The following AGPS variants were observed in gnomAD, a reference collection of about 807,000 sequenced individuals.
AGPS encodes the protein alkyldihydroxyacetonephosphate synthase, peroxisomal.
A neutral mutation model predicts 90.7 loss-of-function variants in AGPS; 26 were observed. The observed-to-expected ratio is 0.29, with a 90% CI of 0.21 to 0.40. The LOEUF (loss-of-function observed/expected upper bound fraction) is 0.40, where lower values mean the gene tolerates loss of function less well. Ranked by LOEUF, AGPS falls within the 10% of genes least tolerant of loss-of-function variation. The pLI is 1.00. For missense variants in AGPS, 540 were observed against 816.1 expected (o/e 0.66, Z 4.12); for synonymous variants, 294 against 285.3 (o/e 1.03, Z -0.31).
Position 177,482,172 on chromosome 2 carries a change from G to A in AGPS, c.1219G>A (p.Glu407Lys). The change falls in exon 11 of 20, where the codon GAA becomes AAA. Residue 407 changes from glutamate (E) to lysine (K), a missense_variant. By Grantham distance (56) the Glu-to-Lys change is moderately conservative. This residue lies in a region of AGPS where 405 missense variants were observed against 692.1 expected (regional missense o/e 0.59). Transcript: ENST00000264167. ...NFEQGVACLREIAKQRCAPAS... is the reference protein window; with the variant it reads ...NFEQGVACLRKIAKQRCAPAS... ...TGAACAAGGAGTAGCCTGTTTAAGAGAAATTGCAAAACAGGTAAAAGAAAA... is the reference window on the plus strand; with the variant it reads ...TGAACAAGGAGTAGCCTGTTTAAGAAAAATTGCAAAACAGGTAAAAGAAAA... 1 of 1,589,548 alleles carries A rather than the reference G, an allele frequency of 6.3e-7. No homozygotes were observed. The highest frequency in any genetic ancestry group is 8.6e-7 in the Non-Finnish European group (1 of 1,165,180).
intron 8 of AGPS, among the ~76,000 whole-genome samples, chr2:177,450,826 ATATCAG>A (rs1406713040): frequency 6.6e-6 from 1 of 151,868 alleles, no homozygotes; most frequent in Non-Finnish European, 1.5e-5. Flanking sequence ...TTGACTCTAT[ATATCAG>A]TTTGAGGAGA....
intron 10 of AGPS, among the ~76,000 whole-genome samples, chr2:177,474,878 A>G (rs1687736563): frequency 6.6e-6 from 1 of 152,214 alleles, no homozygotes; most frequent in African/African-American, 2.4e-5. Flanking sequence ...CTGTGATTCA[A>G]ATAAATATTC....
chr2:177,413,574 A>G (rs1685682835), intron 1 of AGPS, among the ~76,000 whole-genome samples: 1 of 152,246 alleles, frequency 6.6e-6, no homozygotes, highest in South Asian at 2.1e-4. Context: ...ACAAGTGGAC[A>G]ATGAAGGGAA....
intron 1 of AGPS, among the ~76,000 whole-genome samples, chr2:177,404,826 G>GC (rs1685422629): frequency 6.6e-6 from 1 of 152,072 alleles, no homozygotes; most frequent in South Asian, 2.1e-4. Context: ...GTTCATACCT[G>GC]CCATCTGCCA....
chr2:177,503,204 C>G (rs994392589), intron 14 of AGPS, among the ~76,000 whole-genome samples: 1 of 152,076 alleles, frequency 6.6e-6, no homozygotes, highest in African/African-American at 2.4e-5. Flanking sequence ...AACATAGTAG[C>G]CACATAATGA....
At chr2:177,437,266 A>G (rs1231541318) in intron 5 of AGPS, among the ~76,000 whole-genome samples, 1 of 152,004 alleles carries the variant, frequency 6.6e-6, no homozygotes, top group South Asian at 2.1e-4. Context: ...TGATAATTAA[A>G]TCATCATTTT....
intron 5 of AGPS, among the ~76,000 whole-genome samples, chr2:177,439,227 G>T (rs535094512): frequency 1.3e-5 from 2 of 152,124 alleles, no homozygotes; most frequent in African/African-American, 4.8e-5. Flanking sequence ...ACAAAAATCC[G>T]TGCTCTCAAG....
intron 8 of AGPS, among the ~76,000 whole-genome samples, chr2:177,461,460 A>AG (rs1687291109): frequency 6.6e-6 from 1 of 152,238 alleles, no homozygotes; most frequent in African/African-American, 2.4e-5. Context: ...ATATTACATT[A>AG]GGGTAGAGAG....
chr2:177,411,586 T>C (rs897502633), intron 1 of AGPS, among the ~76,000 whole-genome samples: 40 of 152,060 alleles, frequency 2.6e-4, no homozygotes, highest in Non-Finnish European at 4.9e-4. Context: ...CAGGTTGCAG[T>C]TATGGCAGCA....
chr2:177,417,444 AAG>A (rs1239306302), intron 1 of AGPS, among the ~76,000 whole-genome samples: 2 of 152,240 alleles, frequency 1.3e-5, no homozygotes, highest in Non-Finnish European at 1.5e-5. Flanking sequence ...TTCTGGTCCC[AAG>A]CATTTTGGAT....
chr2:177,430,233 AT>A (rs1686200019), intron 2 of AGPS, among the ~76,000 whole-genome samples: 1 of 152,088 alleles, frequency 6.6e-6, no homozygotes, highest in African/African-American at 2.4e-5. Flanking sequence ...CAGTCTCCAG[AT>A]TGTTGCACTG....
In AGPS at chr2:177,503,013, CT is replaced by C. The variant is rs1015442661; in HGVS notation, c.1476-2484del. Among the ~76,000 whole-genome samples the C allele has an allele frequency of 1.7e-4, 26 of 151,078 alleles. 1 individual carries two copies. The highest frequency in any genetic ancestry group is 6.4e-3 in the Middle Eastern group (2 of 312). ...GAATTGGGGCATTATTCATCTATCCCTTTTTTTTTATTTGTTTATGAAACTC... is the reference window on the plus strand; with the variant it reads ...GAATTGGGGCATTATTCATCTATCCCTTTTTTTTATTTGTTTATGAAACTC... On this transcript the variant is annotated intron_variant, in intron 14 of 19. Coordinates refer to ENST00000264167, the MANE Select transcript of AGPS (RefSeq NM_003659.4).
intron 8 of AGPS, among the ~76,000 whole-genome samples, chr2:177,450,668 T>C (rs983832100): frequency 3.3e-5 from 5 of 152,150 alleles, no homozygotes; most frequent in African/African-American, 1.2e-4. Context: ...ACTGTTTGGA[T>C]TACTATAGCT....
chr2:177,449,732 G>A (rs2105648879), intron 8 of AGPS, among the ~76,000 whole-genome samples: 1 of 152,216 alleles, frequency 6.6e-6, no homozygotes, highest in African/African-American at 2.4e-5. Context: ...TGGCCTCATT[G>A]TAGTTTTAAT....
intron 10 of AGPS, among the ~76,000 whole-genome samples, chr2:177,472,288 A>C (rs1286899966): frequency 2.0e-5 from 3 of 148,692 alleles, no homozygotes; most frequent in Non-Finnish European, 4.5e-5. Context: ...AATGCCCTGT[A>C]TTAAGTTTTA....
At chr2:177,404,612 C>T (rs1208043297) in intron 1 of AGPS, among the ~76,000 whole-genome samples, 1 of 152,072 alleles carries the variant, frequency 6.6e-6, no homozygotes, top group Non-Finnish European at 1.5e-5. Flanking sequence ...TTTTTTCCAC[C>T]TAATATTAAT....
Position 177,478,826 on chromosome 2 carries a change from G to A in AGPS, c.1106-3233G>A, listed in dbSNP as rs142489776. 7.0e-3 allele frequency among the ~76,000 whole-genome samples: 1,064 copies of A among 151,496 alleles called. 8 individuals are homozygous for A. The highest frequency in any genetic ancestry group is 0.014 in the Middle Eastern group (4 of 294). On this transcript the variant is annotated intron_variant, in intron 10 of 19. Transcript: ENST00000264167. Reference sequence around the variant, plus strand: ...AGTGTTTGGGATTTTTAGGGGGAGCGCAAGAGGGGTCCTCCCCATTGTCTC... The same window carrying A: ...AGTGTTTGGGATTTTTAGGGGGAGCACAAGAGGGGTCCTCCCCATTGTCTC...
intron 3 of AGPS, among the ~76,000 whole-genome samples, chr2:177,435,370 T>C (rs540308492): frequency 6.6e-6 from 1 of 152,262 alleles, no homozygotes; most frequent in Admixed American, 6.5e-5. Context: ...TAGACGTCTC[T>C]TATCTCTTAA....
At chr2:177,482,471 T>C (rs1235915716) in intron 11 of AGPS, among the ~76,000 whole-genome samples, 1 of 152,040 alleles carries the variant, frequency 6.6e-6, no homozygotes, top group Non-Finnish European at 1.5e-5. Flanking sequence ...CTTTGATTGG[T>C]AGCTTCAGAT....
Sources: allele counts gnomAD v4.1 joint callset (sites outside exome capture counted in the v4.1 genomes callset), GRCh38; gene constraint gnomAD v4.1.1; regional missense constraint gnomAD v4.1.1; transcripts MANE v1.5; gene names NCBI Gene and HGNC (gene_info 2026-07-23, HGNC 2026-07-21).